The following CDC25B variants were observed in gnomAD, a reference collection of about 807,000 sequenced individuals.
CDC25B encodes the protein M-phase inducer phosphatase 2.
CDC25B carries 33 observed loss-of-function variants against 69.8 expected under a neutral mutation model. The observed-to-expected ratio is 0.47, with a 90% CI of 0.36 to 0.63. The LOEUF (loss-of-function observed/expected upper bound fraction) is 0.63, where lower values mean the gene tolerates loss of function less well. Among genes scored for constraint, CDC25B ranks in the 30% least tolerant of loss-of-function variants. CDC25B has a pLI of 0.00. For missense variants in CDC25B, 727 were observed against 809.1 expected (o/e 0.90, Z 1.23); for synonymous variants, 341 against 314.6 (o/e 1.08, Z -0.89).
rs2089437558 is a variant in CDC25B, at chr20:3,805,198, G to A, written c.*237G>A. 1.8e-6 allele frequency: 1 copy of A among 558,138 alleles called. No individual in the cohort carries two copies. Among genetic ancestry groups the A allele is most frequent in the Non-Finnish European group, 3.2e-6 (1 of 312,188 alleles). The allele number at this position is 558,138 out of a possible 1,614,324, so 34.6% of individuals were successfully genotyped here. On this transcript the variant is annotated 3_prime_UTR_variant, in exon 16 of 16. Transcript: ENST00000245960. Reference sequence around the variant, plus strand: ...CAGTCTGTTGAGTTAGTTAAGTTGGGTTAATACCAGCTTAAAGGCAGTATT... The same window carrying A: ...CAGTCTGTTGAGTTAGTTAAGTTGGATTAATACCAGCTTAAAGGCAGTATT...
chr20:3,800,234 TG>T, intron 3 of CDC25B, 53 bp from the exon 4 acceptor site: 1 of 1,001,220 alleles, frequency 1.0e-6, no homozygotes, highest in Non-Finnish European at 1.4e-6. Context: ...GGTGCTGGGG[TG>T]GGTGATGGGT....
exon 1 of CDC25B, chr20:3,787,054 A>G: frequency 1.6e-6 from 1 of 606,958 alleles, no homozygotes; most frequent in Admixed American, 3.3e-5. Context: ...TAATTAAGGT[A>G]AAAATAACGC....
chr20:3,802,377 G>T lies in CDC25B; in HGVS notation c.1194+1G>T. ...AGAGCTGATTGGAGATTACTCTAAG[G>T]TACCTGCAGCAGCGAAGGGGGTACC... On this transcript the variant is annotated splice_donor_variant, in intron 11 of 15. Transcript: ENST00000245960. LOFTEE classifies it high-confidence loss of function. 6.2e-7 allele frequency: 1 copy of T among 1,602,948 alleles called. No homozygotes were observed.
chr20:3,800,401 C>T (rs1003088366), intron 4 of CDC25B, 61 bp from the exon 5 acceptor site: 9 of 1,611,602 alleles, frequency 5.6e-6, no homozygotes, highest in South Asian at 1.1e-5. Context: ...GGGCATGCTG[C>T]ATGCTCTTGG....
chr20:3,799,055 G>A (rs2146679001), intron 3 of CDC25B, among the ~76,000 whole-genome samples: 1 of 152,338 alleles, frequency 6.6e-6, no homozygotes, highest in South Asian at 2.1e-4. Context: ...CATGGGTGGT[G>A]TCTTCCAGAG....
At chr20:3,797,011 ACCACGCTGCCTCCG>A (rs1344077289) in intron 1 of CDC25B, among the ~76,000 whole-genome samples, 1 of 152,078 alleles carries the variant, frequency 6.6e-6, no homozygotes, top group African/African-American at 2.4e-5. Flanking sequence ...TTGTGCCTCC[ACCACGCTGCCTCCG>A]TAATCTCTGC....
intron 1 of CDC25B, among the ~76,000 whole-genome samples, chr20:3,787,684 T>C (rs2088847927): frequency 6.6e-6 from 1 of 152,144 alleles, no homozygotes; most frequent in South Asian, 2.1e-4. Flanking sequence ...AAAAATCTCT[T>C]AGGGCAGCAC....
At chr20:3,802,746 C>T (rs1260070302) in intron 11 of CDC25B, 164 bp from the exon 12 acceptor site, 10 of 640,256 alleles carry the variant, frequency 1.6e-5, no homozygotes, top group South Asian at 1.1e-4. Flanking sequence ...CCCTGGGTGT[C>T]AGACCCAAGA....
chr20:3,789,937 G>C lies in CDC25B; in HGVS notation c.8+2798G>C, dbSNP rs1347502506. 2.6e-5 allele frequency among the ~76,000 whole-genome samples: 4 copies of C among 151,746 alleles called. No homozygotes were observed. In the South Asian group the frequency reaches 6.2e-4, roughly 24 times the overall value. ...CCGGGAGGTGGAGCTTGCAGTGAGC[G>C]GAGATCGCGCCACTGCACTCCAGCC... On this transcript the variant is annotated intron_variant, in intron 1 of 15. Coordinates refer to the CDC25B transcript ENST00000344256.
At chr20:3,795,956 C>T, upstream of CDC25B, 1 of 987,346 alleles carries the variant, frequency 1.0e-6, no homozygotes. Flanking sequence ...CAGTTGGAGC[C>T]TCTCCCCATC....
upstream of CDC25B, chr20:3,795,720 T>G: frequency 1.0e-6 from 1 of 985,532 alleles, no homozygotes; most frequent in African/African-American, 1.7e-5. Context: ...CGCTGGGCGC[T>G]TCTCCTGCGA....
Position 3,796,568 on chromosome 20 carries a change from GCT to G in CDC25B, c.41_42del (p.Leu14GlnfsTer88). 6.8e-7 allele frequency: 1 copy of G among 1,473,882 alleles called. No individual in the cohort carries two copies. The highest frequency in any genetic ancestry group is 8.9e-7 in the Non-Finnish European group (1 of 1,119,254). The allele number at this position is 1,473,882 out of a possible 1,614,324, so 91.3% of individuals were successfully genotyped here. A position where few individuals can be genotyped will look rare whatever the true frequency, so the allele number is the denominator to read the frequency against. Reference sequence around the variant, plus strand: ...CCAGCCGGAGCCCGCGCCAGGCTCGGCTCTCAGTCCAGCAGGCGTGTGCGGTG... The same window carrying G: ...CCAGCCGGAGCCCGCGCCAGGCTCGGCTCAGTCCAGCAGGCGTGTGCGGTG... ...VPQPEPAPGSALSPAGVCGGA... is the reference protein window; with the variant it reads ...VPQPEPAPGSXLSPAGVCGGA... On this transcript the variant is annotated frameshift_variant, in exon 1 of 16. Coordinates refer to ENST00000245960, the MANE Select transcript of CDC25B (RefSeq NM_021873.4). LOFTEE classifies it high-confidence loss of function.
Position 3,804,895 on chromosome 20 carries a change from C to A in CDC25B, c.1677C>A (p.Leu559=), listed in dbSNP as rs755324000. The stretch of plus-strand genomic sequence containing the variant: ...AGGATGAGCTAAAGACCTTCCGCCT[C>A]AAGACTCGCAGCTGGGCTGGGGAGC... ...AFKDELKTFR[L]KTRSWAGERS... Residue 559 remains leucine (L), a synonymous_variant, in exon 16 of 16, where the codon CTC becomes CTA. Transcript: ENST00000245960. 1.9e-6 allele frequency: 3 copies of A among 1,614,134 alleles called. No individual in the cohort carries two copies. The highest frequency in any genetic ancestry group is 2.2e-5 in the South Asian group (2 of 91,088).
chr20:3,788,521 C>T (rs759797548), intron 1 of CDC25B, among the ~76,000 whole-genome samples: 34 of 152,114 alleles, frequency 2.2e-4, no homozygotes, highest in Non-Finnish European at 4.0e-4. Context: ...CTTATTGCTT[C>T]GGGGTTTTGT....
At position 3,804,797 on chromosome 20, in the gene CDC25B, T is replaced by G. The variant is rs11570018; in HGVS notation, c.1603-24T>G. The G allele has an allele frequency of 2.6e-5, 42 of 1,613,840 alleles. 1 individual carries two copies. The Admixed American group carries it at 7.0e-4, about 27-fold the overall frequency. ...TGCCAAACTTACCCATTCCACTGCA[T>G]TGACCCCTCCTGTCCTGCCCTAGAA... On this transcript the variant is annotated intron_variant, in intron 15 of 15. Transcript: ENST00000245960.
At chr20:3,790,564 G>A (rs1032966478) in intron 1 of CDC25B, among the ~76,000 whole-genome samples, 1 of 150,902 alleles carries the variant, frequency 6.6e-6, no homozygotes, top group African/African-American at 2.4e-5. Context: ...GCTCACGCCT[G>A]TAATCCCAGC....
intron 3 of CDC25B, among the ~76,000 whole-genome samples, chr20:3,798,943 C>T (rs1236356484): frequency 6.6e-6 from 1 of 152,238 alleles, no homozygotes; most frequent in Non-Finnish European, 1.5e-5. Flanking sequence ...ACTTCGATGA[C>T]ACTTTACCCT....
intron 3 of CDC25B, among the ~76,000 whole-genome samples, chr20:3,798,836 T>C (rs1352623942): frequency 6.6e-6 from 1 of 152,188 alleles, no homozygotes; most frequent in African/African-American, 2.4e-5. Flanking sequence ...AATTTAAAAA[T>C]ATGATCCAAC....
At chr20:3,795,714 G>A (rs960679217), upstream of CDC25B, 66 of 985,414 alleles carry the variant, frequency 6.7e-5, no homozygotes, top group Admixed American at 1.2e-4. Flanking sequence ...CTCCTACGCT[G>A]GGCGCTTCTC....
Sources: gnomAD v4.1 joint callset for allele counts (sites outside exome capture counted in the v4.1 genomes callset) on GRCh38, gnomAD v4.1.1 for gene constraint, MANE v1.5 for transcripts, NCBI Gene and HGNC (gene_info 2026-07-23, HGNC 2026-07-21) for gene names.